TTC8: variants seen among roughly 807,000 people sequenced by gnomAD.
The protein encoded by TTC8 is tetratricopeptide repeat protein 8.
TTC8 carries 47 observed loss-of-function variants against 72.5 expected under a neutral mutation model. The ratio of observed to expected loss-of-function variants is 0.65; its 90% CI spans 0.51 to 0.83. TTC8 has a LOEUF of 0.83. TTC8 is among the 40% of genes least tolerant of loss of function. The pLI is 0.00. For missense variants in TTC8, 611 were observed against 623.2 expected (o/e 0.98, Z 0.21); for synonymous variants, 199 against 221.4 (o/e 0.90, Z 0.90).
intron 1 of TTC8, among the ~76,000 whole-genome samples, chr14:88,825,173 CGTT>C (rs1366292814): frequency 2.0e-5 from 3 of 152,196 alleles, no homozygotes; most frequent in African/African-American, 7.2e-5. Context: ...TCAGCGTGTG[CGTT>C]GTTAATTTCT....
intron 7 of TTC8, chr14:88,846,640 T>C: frequency 6.8e-7 from 1 of 1,467,438 alleles, no homozygotes; most frequent in South Asian, 1.2e-5. Context: ...AATTTACCCA[T>C]TCTTATTGAG....
At chr14:88,861,472 TTTATC>T (rs2094885679) in intron 10 of TTC8, 140 bp downstream of exon 10, 5 of 622,784 alleles carry the variant, frequency 8.0e-6, no homozygotes, top group East Asian at 2.9e-5. Flanking sequence ...ACCTCAAACA[TTTATC>T]TTTTCTTTGT....
At chr14:88,858,635 C>A (rs1007486075) in intron 9 of TTC8, among the ~76,000 whole-genome samples, 3 of 151,816 alleles carry the variant, frequency 2.0e-5, no homozygotes, top group Non-Finnish European at 4.4e-5. Flanking sequence ...ACTCTGTCAC[C>A]CAGGCTGGAG....
intron 3 of TTC8, among the ~76,000 whole-genome samples, chr14:88,840,640 A>G (rs1365319309): frequency 6.6e-6 from 1 of 152,210 alleles, no homozygotes; most frequent in Non-Finnish European, 1.5e-5. Flanking sequence ...TAAATAGGTT[A>G]ATACTACCTA....
At chr14:88,862,256 A>G (rs2141017884) in intron 10 of TTC8, among the ~76,000 whole-genome samples, 1 of 152,042 alleles carries the variant, frequency 6.6e-6, no homozygotes, top group African/African-American at 2.4e-5. Context: ...GCATGTGTTC[A>G]TATACCTGTT....
chr14:88,843,917 A>G (rs12890993), intron 7 of TTC8, 67 bp downstream of exon 7: 133,671 of 1,161,068 alleles, frequency 0.12, 8,277 homozygotes, highest in African/African-American at 0.13. Flanking sequence ...TTAGATTCTG[A>G]AATATTCTAT....
chr14:88,871,539 T>C lies in TTC8; in HGVS notation c.1050-10T>C. On this transcript the variant is annotated splice_polypyrimidine_tract_variant and intron_variant, in intron 11 of 14. Coordinates refer to ENST00000380656, the MANE Select transcript of TTC8 (RefSeq NM_144596.4). This position sits in a 1 kb window ranked among gnomAD's most constrained non-coding sequence, Gnocchi z 4.1. ...CTGACACCAAAATTTGTGTGTTCTT[T>C]TTTGAAAAGGCGGCTGCTGCAGATG... 6.2e-7 allele frequency: 1 copy of C among 1,613,484 alleles called. No homozygotes were observed. The highest frequency in any genetic ancestry group is 8.5e-7 in the Non-Finnish European group (1 of 1,179,982).
At chr14:88,829,087 T>A (rs1481647840) in intron 1 of TTC8, among the ~76,000 whole-genome samples, 1 of 152,156 alleles carries the variant, frequency 6.6e-6, no homozygotes, top group African/African-American at 2.4e-5. Flanking sequence ...TCTCAACTGC[T>A]TTTTCTAGAC....
At chr14:88,824,622 C>A (rs1183904261), upstream of TTC8, 3 of 1,151,678 alleles carry the variant, frequency 2.6e-6, no homozygotes, top group Non-Finnish European at 3.8e-6. Flanking sequence ...CGCGGGTTGC[C>A]GGGCAGAGTC....
intron 6 of TTC8, among the ~76,000 whole-genome samples, chr14:88,841,740 TAA>T (rs1375361672): frequency 1.3e-5 from 2 of 152,178 alleles, no homozygotes; most frequent in Non-Finnish European, 2.9e-5. Flanking sequence ...TTTCCCTTGA[TAA>T]AGAGTAGTAA....
rs534798002 is a variant in TTC8 at position 88,853,128 on chromosome 14, A to AG, written c.710+80dup. ...AGGGTCTCAAATCTGATACTTTTTG[A>AG]GGGGGGGGAGATTTTCCCATGAAGA... On this transcript the variant is annotated intron_variant, in intron 8 of 14. Transcript: ENST00000380656. 2.9e-4 allele frequency: 307 copies of AG among 1,075,008 alleles called. 1 individual carries two copies. Among genetic ancestry groups the AG allele is most frequent in the Admixed American group, 4.1e-4 (23 of 55,426 alleles). 66.6% of individuals were successfully genotyped at this position (1,075,008 alleles called of 1,614,324 possible).
At chr14:88,850,720 T>C (rs1020338860) in intron 7 of TTC8, among the ~76,000 whole-genome samples, 1 of 152,178 alleles carries the variant, frequency 6.6e-6, no homozygotes, top group African/African-American at 2.4e-5. Context: ...CACAAATGTT[T>C]TTCTTTAGTG....
chr14:88,831,290 TA>T (rs1459624421), intron 1 of TTC8, among the ~76,000 whole-genome samples: 4 of 152,224 alleles, frequency 2.6e-5, no homozygotes, highest in Non-Finnish European at 5.9e-5. Flanking sequence ...TAGAAAGTTC[TA>T]AATAACTTGT....
intron 10 of TTC8, among the ~76,000 whole-genome samples, chr14:88,869,477 C>T (rs544501860): frequency 1.3e-5 from 2 of 152,158 alleles, no homozygotes; most frequent in African/African-American, 4.8e-5. Flanking sequence ...TTATTCCTCT[C>T]CTAATGGATT....
chr14:88,861,960 G>T (rs1338374586), intron 10 of TTC8, among the ~76,000 whole-genome samples: 2 of 152,098 alleles, frequency 1.3e-5, no homozygotes, highest in Non-Finnish European at 2.9e-5. Flanking sequence ...ATATCTCTTT[G>T]ATATACAGAT....
intron 10 of TTC8, among the ~76,000 whole-genome samples, chr14:88,863,999 A>G (rs1249111479): frequency 6.6e-6 from 1 of 152,162 alleles, no homozygotes; most frequent in East Asian, 1.9e-4. Flanking sequence ...TTCCAATATA[A>G]TATTGAACAG....
intron 9 of TTC8, among the ~76,000 whole-genome samples, chr14:88,858,754 A>ATTT (rs138871136): frequency 1.8e-4 from 16 of 86,910 alleles, no homozygotes; most frequent in East Asian, 1.4e-3. Context: ...TGCCTGGATA[A>ATTT]TTTTTTTTTT....
intron 1 of TTC8, among the ~76,000 whole-genome samples, chr14:88,829,599 T>A (rs1223184947): frequency 3.3e-5 from 5 of 152,228 alleles, no homozygotes; most frequent in Admixed American, 1.3e-4. Flanking sequence ...TTTCAGATTA[T>A]TAAAATCGGT....
At position 88,832,210 on chromosome 14, in the gene TTC8, T is replaced by G. The variant is rs138694959; in HGVS notation, c.115-1483T>G. ...AGGGCAGAGGAACAAGACAGAGAGA[T>G]CGCGGAGACTTTCCTCAGTGAGCAG... is the stretch of plus-strand genomic sequence containing the variant. On this transcript the variant is annotated intron_variant, in intron 1 of 14. Coordinates refer to ENST00000380656, the MANE Select transcript of TTC8 (RefSeq NM_144596.4). 8.1e-4 allele frequency among the ~76,000 whole-genome samples: 124 copies of G among 152,314 alleles called. No individual in the cohort carries two copies. The Middle Eastern group carries it at 0.01, about 13-fold the overall frequency.
Sources: allele counts gnomAD v4.1 joint callset (sites outside exome capture counted in the v4.1 genomes callset), GRCh38; gene constraint gnomAD v4.1.1; non-coding constraint Gnocchi (gnomAD v3.1); transcripts MANE v1.5; gene names NCBI Gene and HGNC (gene_info 2026-07-23, HGNC 2026-07-21).